The following ZMIZ1 variants were observed in gnomAD, a reference collection of about 807,000 sequenced individuals.
The protein encoded by ZMIZ1 is zinc finger MIZ domain-containing protein 1.
A neutral mutation model predicts 113.9 loss-of-function variants in ZMIZ1; 17 were observed. That is an observed-to-expected ratio of 0.15 (90% CI 0.10 to 0.22). The LOEUF is 0.22. ZMIZ1 is among the 10% of genes least tolerant of loss of function. The pLI, the probability that ZMIZ1 is intolerant of heterozygous loss-of-function variation, is 1.00. For missense variants in ZMIZ1, 1,059 were observed against 1,477.8 expected, an observed-to-expected ratio of 0.72 and a Z score of 4.65; for synonymous variants, 607 against 603.1, an observed-to-expected ratio of 1.01 and a Z score of -0.09.
chr10:79,134,044 T>TCG (rs1247303265), intron 2 of ZMIZ1, among the ~76,000 whole-genome samples: 53 of 152,326 alleles, frequency 3.5e-4, no homozygotes, highest in African/African-American at 9.9e-4. Context: ...TTTATAGCTG[T>TCG]CACACAGGAT....
At chr10:79,282,943 A>C (rs1564579888) in intron 8 of ZMIZ1, among the ~76,000 whole-genome samples, 1 of 152,252 alleles carries the variant, frequency 6.6e-6, no homozygotes, top group Non-Finnish European at 1.5e-5. Context: ...GGCACCTTCC[A>C]AGTCCCTGCA....
intron 1 of ZMIZ1, among the ~76,000 whole-genome samples, chr10:79,086,411 C>G (rs1035995873): frequency 6.6e-6 from 1 of 152,364 alleles, no homozygotes; most frequent in East Asian, 1.9e-4. Context: ...AGTGAAAGCC[C>G]TCAGGTATCC....
intron 2 of ZMIZ1, among the ~76,000 whole-genome samples, chr10:79,121,571 C>G (rs1844293168): frequency 6.6e-6 from 1 of 152,184 alleles, no homozygotes; most frequent in Non-Finnish European, 1.5e-5. Flanking sequence ...GAAACTTGGC[C>G]AGCAGAAAGC....
chr10:79,265,473 T>C (rs1297835524), intron 7 of ZMIZ1, among the ~76,000 whole-genome samples: 2 of 150,406 alleles, frequency 1.3e-5, no homozygotes, highest in South Asian at 2.1e-4. Flanking sequence ...CTTTTCTTTT[T>C]TTTTTTTTTT....
Position 79,312,485 on chromosome 10 carries a change from G to A in ZMIZ1, c.3097-157G>A, listed in dbSNP as rs181864055. Reference sequence around the variant, plus strand: ...GGCCGGGGTATGTGTGGGGATACCTGGCAGGCCCAAGCCCAAGGCTGTTCT... The same window carrying A: ...GGCCGGGGTATGTGTGGGGATACCTAGCAGGCCCAAGCCCAAGGCTGTTCT... On this transcript the variant is annotated intron_variant, in intron 24 of 24. Coordinates refer to ENST00000334512, the MANE Select transcript of ZMIZ1 (RefSeq NM_020338.4). Among the ~76,000 whole-genome samples the A allele has an allele frequency of 8.8e-4, 134 of 152,360 alleles. 1 individual carries two copies. The highest frequency in any genetic ancestry group is 2.9e-3 in the Admixed American group (45 of 15,310).
At chr10:79,210,060 C>G (rs1174566954) in intron 6 of ZMIZ1, among the ~76,000 whole-genome samples, 1 of 152,244 alleles carries the variant, frequency 6.6e-6, no homozygotes, top group Non-Finnish European at 1.5e-5. Context: ...CCTCCGCCCC[C>G]CCAGCCCCCT....
intron 1 of ZMIZ1, among the ~76,000 whole-genome samples, chr10:79,088,259 C>T (rs1484896682): frequency 1.3e-5 from 2 of 152,234 alleles, no homozygotes; most frequent in African/African-American, 2.4e-5. Context: ...TGCCGCTGCC[C>T]AGGCTTGGCT....
chr10:79,224,207 G>A (rs1849108901), intron 7 of ZMIZ1, among the ~76,000 whole-genome samples: 1 of 152,240 alleles, frequency 6.6e-6, no homozygotes, highest in Non-Finnish European at 1.5e-5. Flanking sequence ...CACCAGAAGA[G>A]AATATACCAA....
At chr10:79,264,154 CAGTTCTCACCTTG>C (rs1376236646) in intron 7 of ZMIZ1, among the ~76,000 whole-genome samples, 4 of 152,208 alleles carry the variant, frequency 2.6e-5, no homozygotes, top group African/African-American at 9.6e-5. Flanking sequence ...GGGTGTGGCT[CAGTTCTCACCTTG>C]CAGATGGAGT....
chr10:79,274,224 G>A (rs75225077), intron 7 of ZMIZ1, among the ~76,000 whole-genome samples: 2 of 152,210 alleles, frequency 1.3e-5, no homozygotes, highest in Non-Finnish European at 2.9e-5. Context: ...TATGCTCTGC[G>A]CACACCACAC....
chr10:79,299,936 C>A (rs921750590), intron 16 of ZMIZ1, among the ~76,000 whole-genome samples: 12 of 150,522 alleles, frequency 8.0e-5, no homozygotes, highest in Non-Finnish European at 1.3e-4. Flanking sequence ...TCTCACTGTG[C>A]TTGTGACTCA....
At chr10:79,207,678 G>C (rs996743578) in intron 5 of ZMIZ1, among the ~76,000 whole-genome samples, 4 of 152,164 alleles carry the variant, frequency 2.6e-5, no homozygotes, top group Non-Finnish European at 5.9e-5. Flanking sequence ...CCCAGGCAGG[G>C]CCCAGTACGT....
intron 7 of ZMIZ1, among the ~76,000 whole-genome samples, chr10:79,262,615 AG>A (rs1851336743): frequency 6.6e-6 from 1 of 152,296 alleles, no homozygotes; most frequent in African/African-American, 2.4e-5. Flanking sequence ...TTCTACAAAA[AG>A]AGAAATTCTC....
intron 2 of ZMIZ1, among the ~76,000 whole-genome samples, chr10:79,124,796 A>G (rs556234843): frequency 1.8e-4 from 28 of 152,328 alleles, no homozygotes; most frequent in African/African-American, 6.0e-4. Context: ...GGCATGGGTC[A>G]GGGCAGTCCG....
intron 1 of ZMIZ1, among the ~76,000 whole-genome samples, chr10:79,109,515 A>C (rs967047213): frequency 1.3e-5 from 2 of 152,004 alleles, no homozygotes; most frequent in Non-Finnish European, 2.9e-5. Context: ...CAGCATCTCC[A>C]CCCCACCTCC....
chr10:79,218,385 G>A (rs1299122191), intron 7 of ZMIZ1, among the ~76,000 whole-genome samples: 1 of 152,076 alleles, frequency 6.6e-6, no homozygotes, highest in East Asian at 1.9e-4. Context: ...TGGGGTGGGA[G>A]GATCACTTGA....
chr10:79,163,424 A>G (rs1288942393), intron 4 of ZMIZ1, among the ~76,000 whole-genome samples: 1 of 152,244 alleles, frequency 6.6e-6, no homozygotes, highest in African/African-American at 2.4e-5. Context: ...TTATACTGAC[A>G]TTGCTGACAG....
intron 2 of ZMIZ1, among the ~76,000 whole-genome samples, chr10:79,121,914 G>A (rs894088339): frequency 6.6e-6 from 1 of 152,150 alleles, no homozygotes; most frequent in East Asian, 1.9e-4. Flanking sequence ...ACCTGCATCT[G>A]TACCCAACAA....
intron 7 of ZMIZ1, among the ~76,000 whole-genome samples, chr10:79,222,860 G>C (rs531994502): frequency 1.3e-5 from 2 of 152,184 alleles, no homozygotes; most frequent in Non-Finnish European, 2.9e-5. Flanking sequence ...ATTGTTGGGA[G>C]AGGCACAGGT....
Sources: allele counts gnomAD v4.1 joint callset (sites outside exome capture counted in the v4.1 genomes callset), GRCh38; gene constraint gnomAD v4.1.1; transcripts MANE v1.5; gene names NCBI Gene and HGNC (gene_info 2026-07-23, HGNC 2026-07-21).